PNPT1: variants seen among roughly 807,000 people sequenced by gnomAD.
PNPT1 encodes polyribonucleotide nucleotidyltransferase 1.
Under a neutral mutation model 119.5 loss-of-function variants are expected in PNPT1, and 53 were observed. That is an observed-to-expected ratio of 0.44 (90% CI 0.36 to 0.56). The LOEUF is 0.56. Ranked by LOEUF, PNPT1 falls within the 20% of genes least tolerant of loss-of-function variation. The pLI is 0.00. For missense variants in PNPT1, 948 were observed against 938.5 expected (o/e 1.01, Z -0.13); for synonymous variants, 357 against 322.1 (o/e 1.11, Z -1.16).
chr2:55,651,763 A>G (rs1180821519), intron 18 of PNPT1, among the ~76,000 whole-genome samples: 1 of 142,490 alleles, frequency 7.0e-6, no homozygotes, highest in Non-Finnish European at 1.5e-5. Flanking sequence ...ACACCCAAGA[A>G]TGATCAATTT....
At chr2:55,677,837 T>G (rs2104146373) in intron 8 of PNPT1, among the ~76,000 whole-genome samples, 1 of 151,846 alleles carries the variant, frequency 6.6e-6, no homozygotes, top group African/African-American at 2.4e-5. Context: ...CCTCCCGGGT[T>G]CACGCCATTC....
At chr2:55,651,578 A>G (rs909339734) in intron 18 of PNPT1, among the ~76,000 whole-genome samples, 3 of 151,970 alleles carry the variant, frequency 2.0e-5, no homozygotes, top group African/African-American at 4.8e-5. Flanking sequence ...TGAAGGCAGC[A>G]TGCTCCTTAA....
chr2:55,647,714 G>A (rs1161226308), intron 18 of PNPT1, among the ~76,000 whole-genome samples: 1 of 151,970 alleles, frequency 6.6e-6, no homozygotes, highest in African/African-American at 2.4e-5. Context: ...TGGAGATGGG[G>A]TTTCAACCAT....
chr2:55,649,011 A>AC (rs1386409679), intron 18 of PNPT1, among the ~76,000 whole-genome samples: 1 of 152,136 alleles, frequency 6.6e-6, no homozygotes. Flanking sequence ...TACGATTTTA[A>AC]CCACCATCTA....
chr2:55,643,423 C>A lies in PNPT1; in HGVS notation c.1909G>T (p.Val637Leu). 3 of 1,613,404 alleles carry A rather than the reference C, an allele frequency of 1.9e-6. No individual in the cohort carries two copies. The highest frequency in any genetic ancestry group is 2.5e-6 in the Non-Finnish European group (3 of 1,179,816). The change falls in exon 24 of 28, where the codon GTA becomes TTA. Residue 637 changes from valine to leucine, a missense_variant and splice_region_variant. Val to Leu is a conservative substitution (Grantham distance 32). Coordinates refer to ENST00000447944, the MANE Select transcript of PNPT1 (RefSeq NM_033109.5). ...TCTTCATCCACCTGACTAATAGTTACACCTTTTAAAAACAAAATGTAACAT... is the reference window on the plus strand; with the variant it reads ...TCTTCATCCACCTGACTAATAGTTAAACCTTTTAAAAACAAAATGTAACAT... Reference protein sequence around the residue: ...NLKKLQAETGVTISQVDEETF... With the variant: ...NLKKLQAETGLTISQVDEETF...
chr2:55,643,061 G>A, intron 25 of PNPT1, 97 bp downstream of exon 25: 2 of 1,294,362 alleles, frequency 1.5e-6, no homozygotes, highest in Non-Finnish European at 2.2e-6. Context: ...CAGCTGTGAG[G>A]TACAATGGCA....
chr2:55,642,537 C>T (rs1695863713), intron 25 of PNPT1, among the ~76,000 whole-genome samples: 1 of 135,720 alleles, frequency 7.4e-6, no homozygotes. Context: ...ACCCGGGAGG[C>T]AGAGCTTGCA....
intron 25 of PNPT1, among the ~76,000 whole-genome samples, chr2:55,642,560 C>T (rs1019426103): frequency 2.1e-5 from 3 of 141,762 alleles, no homozygotes; most frequent in East Asian, 2.1e-4. Context: ...GAGCTGAGAT[C>T]GCACCACTGC....
At chr2:55,692,800 A>G (rs1457717072) in intron 1 of PNPT1, among the ~76,000 whole-genome samples, 1 of 152,184 alleles carries the variant, frequency 6.6e-6, no homozygotes, top group Non-Finnish European at 1.5e-5. Flanking sequence ...GCAATCAATT[A>G]GATTGGATGA....
intron 17 of PNPT1, 58 bp from the exon 18 acceptor site, chr2:55,655,011 G>T: frequency 1.4e-6 from 2 of 1,391,654 alleles, no homozygotes; most frequent in Non-Finnish European, 2.0e-6. Context: ...GTAGAAAAGT[G>T]TTACTATTGG....
chr2:55,656,438 C>G, intron 15 of PNPT1, 67 bp from the exon 16 acceptor site: 3 of 1,383,500 alleles, frequency 2.2e-6, no homozygotes, highest in Non-Finnish European at 3.0e-6. Context: ...GTTATATTAC[C>G]AAAATAATAA....
chr2:55,680,958 T>C, intron 5 of PNPT1, 40 bp from the exon 6 acceptor site: 1 of 1,536,354 alleles, frequency 6.5e-7, no homozygotes, highest in Non-Finnish European at 9.0e-7. Flanking sequence ...AGGGTTATCA[T>C]TTAGGTTAAC....
intron 13 of PNPT1, among the ~76,000 whole-genome samples, chr2:55,664,193 G>A (rs1374853723): frequency 6.6e-6 from 1 of 152,164 alleles, no homozygotes; most frequent in East Asian, 1.9e-4. Flanking sequence ...CCTTGTGGGG[G>A]TTTATGACAC....
In PNPT1 at chr2:55,639,867, T is replaced by C. The variant is rs187852690; in HGVS notation, c.2148+760A>G. ...AAACCCTCCTGCCCCAACAAGATTATCTTTTCCTACCACCTTTTTTAAAAA... is the reference window on the plus strand; with the variant it reads ...AAACCCTCCTGCCCCAACAAGATTACCTTTTCCTACCACCTTTTTTAAAAA... On this transcript the variant is annotated intron_variant, in intron 26 of 27. Coordinates refer to ENST00000447944, the MANE Select transcript of PNPT1 (RefSeq NM_033109.5). Among the ~76,000 whole-genome samples, 27 of 152,296 alleles carry C rather than the reference T, an allele frequency of 1.8e-4. 1 individual carries two copies. Among genetic ancestry groups the C allele is most frequent in the African/African-American group, 5.3e-4 (22 of 41,574 alleles).
At chr2:55,663,144 A>G (rs1696632014) in intron 13 of PNPT1, among the ~76,000 whole-genome samples, 1 of 152,222 alleles carries the variant, frequency 6.6e-6, no homozygotes. Context: ...TTGGCCTCCC[A>G]AAGTGCTGGG....
chr2:55,637,127 G>A (rs948982535), intron 27 of PNPT1, among the ~76,000 whole-genome samples: 1 of 152,176 alleles, frequency 6.6e-6, no homozygotes, highest in African/African-American at 2.4e-5. Flanking sequence ...GGCCAATTTT[G>A]TTATATGAAT....
At chr2:55,668,892 G>A (rs1696821035) in intron 11 of PNPT1, among the ~76,000 whole-genome samples, 1 of 152,218 alleles carries the variant, frequency 6.6e-6, no homozygotes, top group African/African-American at 2.4e-5. Flanking sequence ...GAGCCACTGT[G>A]CCCGGCCTAA....
chr2:55,679,543 C>T (rs1326981863), intron 8 of PNPT1, 139 bp downstream of exon 8: 6 of 580,222 alleles, frequency 1.0e-5, no homozygotes, highest in Non-Finnish European at 1.8e-5. Context: ...AGCAAGAGCA[C>T]AAAAATAGGA....
At chr2:55,652,933 C>T (rs538391413) in intron 18 of PNPT1, among the ~76,000 whole-genome samples, 12 of 152,306 alleles carry the variant, frequency 7.9e-5, no homozygotes, top group Admixed American at 3.9e-4. Flanking sequence ...CTGCAGCCTC[C>T]GCCTCCTGGG....
Sources: allele counts gnomAD v4.1 joint callset (sites outside exome capture counted in the v4.1 genomes callset), GRCh38; gene constraint gnomAD v4.1.1; transcripts MANE v1.5; gene names NCBI Gene and HGNC (gene_info 2026-07-23, HGNC 2026-07-21).